FHIT: variants seen among roughly 807,000 people sequenced by gnomAD.
FHIT encodes the protein bis(5'-adenosyl)-triphosphatase.
A neutral mutation model predicts 17.9 loss-of-function variants in FHIT; 19 were observed. The observed-to-expected ratio is 1.06, with a 90% CI of 0.74 to 1.56. The LOEUF is 1.56. Ranked by LOEUF, FHIT falls within the 40% of genes most tolerant of loss-of-function variation. The pLI, the probability that FHIT is intolerant of heterozygous loss-of-function variation, is 0.00. For missense variants in FHIT, 248 were observed against 189.2 expected (o/e 1.31, Z -1.82); for synonymous variants, 81 against 69.7 (o/e 1.16, Z -0.81).
Position 60,382,310 on chromosome 3 carries a change from A to G in FHIT, c.103+154550T>C, listed in dbSNP as rs557580457. Among the ~76,000 whole-genome samples the G allele has an allele frequency of 1.6e-4, 24 of 152,376 alleles. 1 individual carries two copies. The South Asian group carries it at 5.0e-3, about 32-fold the overall frequency. ...TGCATTAGCAGCAGTATAAAACTAC[A>G]AAATACTAAAAATGCAACAAGAGTG... is the stretch of plus-strand genomic sequence containing the variant. On this transcript the variant is annotated intron_variant, in intron 5 of 9. Transcript: ENST00000492590.
intron 4 of FHIT, among the ~76,000 whole-genome samples, chr3:60,591,900 G>A (rs748072779): frequency 5.9e-5 from 9 of 151,844 alleles, no homozygotes; most frequent in Non-Finnish European, 1.2e-4. Flanking sequence ...AGAGAGTTCG[G>A]GGAGCATTTA....
intron 5 of FHIT, among the ~76,000 whole-genome samples, chr3:60,411,919 T>A (rs1702075848): frequency 6.6e-6 from 1 of 152,136 alleles, no homozygotes; most frequent in South Asian, 2.1e-4. Flanking sequence ...TTAGAAAAGT[T>A]AAGTCAGAAC....
chr3:60,522,283 GC>G (rs1423099003), intron 5 of FHIT, among the ~76,000 whole-genome samples: 1 of 151,974 alleles, frequency 6.6e-6, no homozygotes, highest in Non-Finnish European at 1.5e-5. Context: ...GCTAAGTTTT[GC>G]ATTTTTAGTA....
intron 5 of FHIT, among the ~76,000 whole-genome samples, chr3:60,327,978 C>G (rs564813444): frequency 1.3e-5 from 2 of 152,224 alleles, no homozygotes; most frequent in Non-Finnish European, 2.9e-5. Context: ...ATCCCAGAGC[C>G]CTGTGAGAGC....
intron 3 of FHIT, among the ~76,000 whole-genome samples, chr3:60,961,715 G>C (rs554343513): frequency 6.6e-6 from 1 of 152,136 alleles, no homozygotes; most frequent in Non-Finnish European, 1.5e-5. Context: ...TGTTTGTCAG[G>C]TTTGTCAAAG....
At chr3:60,188,336 T>C (rs1702253884) in intron 5 of FHIT, among the ~76,000 whole-genome samples, 1 of 151,306 alleles carries the variant, frequency 6.6e-6, no homozygotes, top group Non-Finnish European at 1.5e-5. Flanking sequence ...CTTGGTAAAA[T>C]AAATAGATCA....
intron 3 of FHIT, among the ~76,000 whole-genome samples, chr3:61,025,340 C>T (rs1346649371): frequency 6.6e-6 from 1 of 152,168 alleles, no homozygotes; most frequent in East Asian, 1.9e-4. Context: ...AGAGTAAAGG[C>T]CCCAAAAGTA....
chr3:59,958,810 G>C (rs1575767041), intron 7 of FHIT, among the ~76,000 whole-genome samples: 1 of 152,002 alleles, frequency 6.6e-6, no homozygotes, highest in Non-Finnish European at 1.5e-5. Flanking sequence ...TCTTGCTCTT[G>C]GAGTTGGGAT....
chr3:59,985,885 T>C (rs1459186592), intron 7 of FHIT, among the ~76,000 whole-genome samples: 2 of 151,928 alleles, frequency 1.3e-5, no homozygotes, highest in African/African-American at 2.4e-5. Flanking sequence ...TGAAACCTAC[T>C]TGACACTTAG....
chr3:61,004,091 C>A (rs2031280207), intron 3 of FHIT, among the ~76,000 whole-genome samples: 1 of 151,938 alleles, frequency 6.6e-6, no homozygotes, highest in Non-Finnish European at 1.5e-5. Flanking sequence ...AGAATCCCTA[C>A]CCTAAAGGAG....
chr3:60,951,698 T>C (rs1001940213), intron 3 of FHIT, among the ~76,000 whole-genome samples: 1 of 151,706 alleles, frequency 6.6e-6, no homozygotes, highest in Non-Finnish European at 1.5e-5. Context: ...AGCATTAATA[T>C]CTGGCTAAAA....
At chr3:60,049,727 T>G (rs1213518195) in intron 5 of FHIT, among the ~76,000 whole-genome samples, 1 of 152,220 alleles carries the variant, frequency 6.6e-6, no homozygotes, top group East Asian at 1.9e-4. Flanking sequence ...TACTTTTTTG[T>G]GTGGCTACTA....
At chr3:59,897,351 C>T (rs1411956954) in intron 8 of FHIT, among the ~76,000 whole-genome samples, 2 of 152,176 alleles carry the variant, frequency 1.3e-5, no homozygotes, top group African/African-American at 2.4e-5. Flanking sequence ...CTTCAAGACC[C>T]AATTCAAATG....
intron 8 of FHIT, among the ~76,000 whole-genome samples, chr3:59,852,085 T>A (rs1206810109): frequency 2.6e-5 from 4 of 152,192 alleles, no homozygotes; most frequent in Admixed American, 2.0e-4. Context: ...AAATCACATA[T>A]AATCATTCAA....
intron 2 of FHIT, among the ~76,000 whole-genome samples, chr3:61,150,618 G>A (rs28678424): frequency 0.47 from 71,240 of 151,944 alleles, 17,259 homozygotes; most frequent in Middle Eastern, 0.58. Flanking sequence ...AAATATTATT[G>A]TCTATTTTAC....
intron 5 of FHIT, among the ~76,000 whole-genome samples, chr3:60,121,753 C>A (rs1705268244): frequency 6.6e-6 from 1 of 151,300 alleles, no homozygotes; most frequent in South Asian, 2.1e-4. Flanking sequence ...CACATTAGCC[C>A]TGTGCCTAAT....
intron 3 of FHIT, among the ~76,000 whole-genome samples, chr3:60,995,137 G>A (rs2030562488): frequency 6.6e-6 from 1 of 151,936 alleles, no homozygotes; most frequent in East Asian, 1.9e-4. Flanking sequence ...TGGCTAACAC[G>A]GTGAAACCCT....
chr3:60,320,722 T>C (rs1285719614), intron 5 of FHIT, among the ~76,000 whole-genome samples: 1 of 152,188 alleles, frequency 6.6e-6, no homozygotes, highest in Non-Finnish European at 1.5e-5. Context: ...ATAAAACTTG[T>C]GCTATAATTT....
intron 3 of FHIT, among the ~76,000 whole-genome samples, chr3:60,953,053 C>T (rs1429863831): frequency 2.0e-5 from 3 of 152,118 alleles, no homozygotes; most frequent in Non-Finnish European, 4.4e-5. Context: ...TACAATTTTG[C>T]CTCCTCTACA....
Sources: gnomAD v4.1 joint callset for allele counts (sites outside exome capture counted in the v4.1 genomes callset) on GRCh38, gnomAD v4.1.1 for gene constraint, MANE v1.5 for transcripts, NCBI Gene and HGNC (gene_info 2026-07-23, HGNC 2026-07-21) for gene names.